NXN: variants seen among roughly 807,000 people sequenced by gnomAD.
NXN encodes nucleoredoxin 1.
Under a neutral mutation model 48.6 loss-of-function variants are expected in NXN, and 16 were observed. The observed-to-expected ratio is 0.33, with a 90% CI of 0.22 to 0.50. NXN has a LOEUF of 0.50. Ranked by LOEUF, NXN falls within the 20% of genes least tolerant of loss-of-function variation. The pLI is 0.98. For synonymous variants in NXN, 281 were observed against 269.6 expected (o/e 1.04, Z -0.41); for missense variants, 492 against 605.5 (o/e 0.81, Z 1.97).
chr17:878,993 T>C (rs1441046975), intron 1 of NXN, among the ~76,000 whole-genome samples: 2 of 151,770 alleles, frequency 1.3e-5, no homozygotes, highest in Non-Finnish European at 2.9e-5. Flanking sequence ...GGCGAAACCC[T>C]CTCTCTACTA....
rs184644562 is a variant in NXN at position 909,991 on chromosome 17, A to C, written c.360+69328T>G. The C allele has an allele frequency of 3.9e-5, 6 of 152,354 alleles. No individual in the cohort carries two copies. In the East Asian group the frequency reaches 1.2e-3, roughly 29 times the overall value. 9.4% of individuals were successfully genotyped at this position (152,354 alleles called of 1,614,324 possible). A position where few individuals can be genotyped will look rare whatever the true frequency, so the allele number is the denominator to read the frequency against. ...CCACTATGGATCTTATGAAAGAATC[A>C]TGAAATACTTCTAACATAAAGGCAG... On this transcript the variant is annotated intron_variant, in intron 1 of 7. Transcript: ENST00000336868.
chr17:862,353 A>G (rs1450435783), intron 1 of NXN, among the ~76,000 whole-genome samples: 1 of 152,158 alleles, frequency 6.6e-6, no homozygotes, highest in Non-Finnish European at 1.5e-5. Context: ...CCATCTCAAA[A>G]ACATAAACAT....
chr17:819,178 C>T (rs999302458), intron 5 of NXN: 3 of 465,012 alleles, frequency 6.5e-6, no homozygotes, highest in African/African-American at 4.0e-5. Flanking sequence ...AACTCCTGAG[C>T]TCAGGTGATC....
chr17:889,173 T>C (rs1437455610), intron 1 of NXN, among the ~76,000 whole-genome samples: 1 of 152,060 alleles, frequency 6.6e-6, no homozygotes, highest in Non-Finnish European at 1.5e-5. Context: ...CTCAGGAGGA[T>C]TAAGTGGGAA....
chr17:900,332 GAC>G (rs1371521212), intron 1 of NXN, among the ~76,000 whole-genome samples: 1 of 152,122 alleles, frequency 6.6e-6, no homozygotes, highest in African/African-American at 2.4e-5. Flanking sequence ...CATGAAGAGA[GAC>G]AGCATTTTAT....
intron 1 of NXN, among the ~76,000 whole-genome samples, chr17:841,684 C>CCACAGCGCATCT (rs1567828221): frequency 7.3e-6 from 1 of 137,186 alleles, no homozygotes; most frequent in African/African-American, 3.0e-5. Context: ...TCCACCCTGA[C>CCACAGCGCATCT]CATGGCACAT....
intron 1 of NXN, among the ~76,000 whole-genome samples, chr17:915,050 T>G (rs2068673206): frequency 6.6e-6 from 1 of 151,438 alleles, no homozygotes; most frequent in African/African-American, 2.4e-5. Flanking sequence ...TTCTCCTGCC[T>G]CAGCCTCCCA....
At chr17:842,117 C>A (rs1182285672) in intron 1 of NXN, among the ~76,000 whole-genome samples, 1 of 152,126 alleles carries the variant, frequency 6.6e-6, no homozygotes, top group Non-Finnish European at 1.5e-5. Context: ...GCCTGGGCGA[C>A]AGAGAGAGAC....
chr17:807,467 C>A (rs974054116), intron 5 of NXN, among the ~76,000 whole-genome samples: 1 of 152,198 alleles, frequency 6.6e-6, no homozygotes, highest in Non-Finnish European at 1.5e-5. Flanking sequence ...CCCGGCTCAG[C>A]GCCTGGGGCT....
intron 3 of NXN, 47 bp from the exon 4 acceptor site, chr17:822,504 C>A: frequency 7.1e-7 from 1 of 1,416,666 alleles, no homozygotes; most frequent in Non-Finnish European, 9.9e-7. Context: ...TGCTTCTCCA[C>A]CTCCCAGCCA....
intron 5 of NXN, among the ~76,000 whole-genome samples, chr17:807,233 C>T (rs774430695): frequency 6.6e-6 from 1 of 152,212 alleles, no homozygotes; most frequent in Non-Finnish European, 1.5e-5. Context: ...CACCACACAC[C>T]CTTCTCAAAA....
At chr17:964,226 T>G (rs1249433575) in intron 1 of NXN, among the ~76,000 whole-genome samples, 1 of 152,218 alleles carries the variant, frequency 6.6e-6, no homozygotes, top group Admixed American at 6.5e-5. Flanking sequence ...TTGTGCTGCA[T>G]GTACAGAGAC....
chr17:812,819 T>TGC (rs1192907125), intron 5 of NXN, among the ~76,000 whole-genome samples: 1 of 149,144 alleles, frequency 6.7e-6, no homozygotes, highest in African/African-American at 2.5e-5. Flanking sequence ...TAGGTGTGTG[T>TGC]GCGAGTGTGC....
chr17:977,460 A>G (rs2069475046), intron 1 of NXN, among the ~76,000 whole-genome samples: 1 of 152,220 alleles, frequency 6.6e-6, no homozygotes, highest in Admixed American at 6.5e-5. Flanking sequence ...GGGTATAGAG[A>G]GCCAGCCATG....
intron 5 of NXN, among the ~76,000 whole-genome samples, chr17:812,766 G>A (rs1454067797): frequency 6.7e-6 from 1 of 148,560 alleles, no homozygotes; most frequent in Non-Finnish European, 1.5e-5. Flanking sequence ...GCATATGTGT[G>A]AGTGTAGGTG....
At chr17:928,960 T>C (rs2068827470) in intron 1 of NXN, among the ~76,000 whole-genome samples, 1 of 152,212 alleles carries the variant, frequency 6.6e-6, no homozygotes, top group Non-Finnish European at 1.5e-5. Context: ...ATACACATCA[T>C]AACTTTTAGG....
chr17:950,200 AC>A (rs1259595760), intron 1 of NXN, among the ~76,000 whole-genome samples: 1 of 152,160 alleles, frequency 6.6e-6, no homozygotes, highest in Non-Finnish European at 1.5e-5. Context: ...GATCAACATC[AC>A]GGACTGCAGC....
intron 1 of NXN, among the ~76,000 whole-genome samples, chr17:905,832 C>T (rs190150560): frequency 2.6e-5 from 4 of 151,978 alleles, no homozygotes; most frequent in Non-Finnish European, 4.4e-5. Flanking sequence ...TAAAAATTAG[C>T]TGGGCATGGT....
chr17:813,784 G>A (rs1397509509), intron 5 of NXN, among the ~76,000 whole-genome samples: 1 of 151,100 alleles, frequency 6.6e-6, no homozygotes, highest in Non-Finnish European at 1.5e-5. Context: ...CTGGTCAAAT[G>A]GAGAAACTCT....
Sources: allele counts gnomAD v4.1 joint callset (sites outside exome capture counted in the v4.1 genomes callset), GRCh38; gene constraint gnomAD v4.1.1; transcripts MANE v1.5; gene names NCBI Gene and HGNC (gene_info 2026-07-23, HGNC 2026-07-21).